The following MYO7B variants were observed in gnomAD, a reference collection of about 807,000 sequenced individuals.
MYO7B encodes unconventional myosin-VIIb.
In MYO7B, 212 loss-of-function variants were observed where a neutral mutation model predicts 259.7. The observed-to-expected ratio is 0.82, with a 90% CI of 0.73 to 0.91. MYO7B has a LOEUF of 0.91. MYO7B is among the 40% of genes least tolerant of loss of function. MYO7B has a pLI of 0.00. For synonymous variants in MYO7B, 1,197 were observed against 1,166.4 expected, an observed-to-expected ratio of 1.03 and a Z score of -0.54; for missense variants, 2,732 against 2,813.5, an observed-to-expected ratio of 0.97 and a Z score of 0.66.
Position 127,584,880 on chromosome 2 carries a change from C to A in MYO7B, c.1657C>A (p.His553Asn). 1 of 1,613,948 alleles carries A rather than the reference C, an allele frequency of 6.2e-7. No homozygotes were observed. The highest frequency in any genetic ancestry group is 8.5e-7 in the Non-Finnish European group (1 of 1,179,890). The part of the protein sequence containing the change: ...NIHDARFGIA[H>N]FAGEVYYQAE... ...CCACGATGCCAGATTTGGCATTGCC[C>A]ATTTTGCCGGCGAGGTGTACTACCA... is the stretch of plus-strand genomic sequence containing the variant. Residue 553 changes from histidine to asparagine, a missense_variant, in exon 14 of 48, where the codon CAT (histidine) becomes AAT (asparagine). Physicochemically the swap from His to Asn is moderately conservative, Grantham distance 68 (BLOSUM62 1). This residue lies in a region of MYO7B where 1,906 missense variants were observed against 2,026.4 expected (regional missense o/e 0.94). Transcript: ENST00000409816. This position sits in a 1 kb window ranked among gnomAD's most constrained non-coding sequence, Gnocchi z 5.8.
chr2:127,608,583 G>T (rs1449099332), intron 21 of MYO7B, 125 bp from the exon 22 acceptor site: 2 of 1,063,644 alleles, frequency 1.9e-6, no homozygotes, highest in Non-Finnish European at 2.7e-6. Context: ...ATATTGATTT[G>T]GACAAATGAT....
Position 127,571,442 on chromosome 2 carries a change from G to GTTTTTTT in MYO7B, c.592+1543_592+1549dup. ...AATTGGTCTATTTCCTTACCAGTGAGTTTTTTTTTTTTTTTTTGCTTGTTT... is the reference window on the plus strand; with the variant it reads ...AATTGGTCTATTTCCTTACCAGTGAGTTTTTTTTTTTTTTTTTTTTTTTTGCTTGTTT... On this transcript the variant is annotated intron_variant, in intron 6 of 47. Coordinates refer to ENST00000409816, the MANE Select transcript of MYO7B (RefSeq NM_001393586.1). Among the ~76,000 whole-genome samples the GTTTTTTT allele has an allele frequency of 2.6e-3, 111 of 41,920 alleles. 7 individuals are homozygous for GTTTTTTT. Among genetic ancestry groups the GTTTTTTT allele is most frequent in the South Asian group, 1.0e-2 (12 of 1,204 alleles). The allele number at this position is 41,920 out of a possible 152,430, so 27.5% of individuals were successfully genotyped here. A position where few individuals can be genotyped will look rare whatever the true frequency, so the allele number is the denominator to read the frequency against.
chr2:127,626,865 C>A, intron 31 of MYO7B, 110 bp from the exon 32 acceptor site: 1 of 1,026,092 alleles, frequency 9.7e-7, no homozygotes, highest in Non-Finnish European at 1.4e-6. Context: ...AGACACTGGC[C>A]TTGTAGAGCC....
intron 1 of MYO7B, among the ~76,000 whole-genome samples, chr2:127,547,532 G>A (rs1693283252): frequency 1.3e-5 from 2 of 152,174 alleles, no homozygotes; most frequent in Admixed American, 1.3e-4. Context: ...ATACAAGGTG[G>A]GCTGAAAAGG....
At position 127,588,476 on chromosome 2, in the gene MYO7B, T is replaced by C. The variant is rs1573658817; in HGVS notation, c.1775T>C (p.Ile592Thr). Residue 592 changes from isoleucine to threonine, a missense_variant, in exon 15 of 48, where the codon ATA becomes ACA. Ile to Thr is a moderately conservative substitution (Grantham distance 89). Transcript: ENST00000409816. Reference protein sequence around the residue: ...YSSKNKFLREIFNLELAETKL... With the variant: ...YSSKNKFLRETFNLELAETKL... ...TCCAAAAACAAGTTTCTGAGGGAGA[T>C]ATTCAACTTGGAGTTAGCAGAGACC... 6.2e-7 allele frequency: 1 copy of C among 1,613,294 alleles called. No individual in the cohort carries two copies. The highest frequency in any genetic ancestry group is 2.2e-5 in the East Asian group (1 of 44,886).
intron 24 of MYO7B, 99 bp from the exon 25 acceptor site, chr2:127,612,151 G>T (rs1385401463): frequency 8.3e-6 from 4 of 481,180 alleles, no homozygotes; most frequent in African/African-American, 7.8e-5. Flanking sequence ...GAAATGGCTG[G>T]GTGAAAGGGA....
rs1331659730 is a variant in MYO7B at position 127,628,594 on chromosome 2, G to A, written c.4624+59G>A. ...TGGGGTGGGGGAGGGCCGCGCATGG[G>A]GTCTGTAGGTAGGTGGCATGCTCAT... On this transcript the variant is annotated intron_variant, in intron 34 of 47. Coordinates refer to ENST00000409816, the MANE Select transcript of MYO7B (RefSeq NM_001393586.1). This position sits in a 1 kb window ranked among gnomAD's most constrained non-coding sequence, Gnocchi z 4.8. The A allele has an allele frequency of 2.9e-6, 4 of 1,396,676 alleles. No homozygotes were observed. Among genetic ancestry groups the A allele is most frequent in the Non-Finnish European group, 3.9e-6 (4 of 1,033,490 alleles). 86.5% of individuals were successfully genotyped at this position (1,396,676 alleles called of 1,614,324 possible).
chr2:127,624,784 G>A (rs1681024237), intron 30 of MYO7B, among the ~76,000 whole-genome samples: 1 of 152,216 alleles, frequency 6.6e-6, no homozygotes, highest in Admixed American at 6.5e-5. Flanking sequence ...TCTTTTGTAG[G>A]GGATTGTGAG....
Position 127,635,182 on chromosome 2 carries a change from C to T in MYO7B, c.5776C>T (p.Pro1926Ser). ...GCGGAAATTGTGGCTCAACATATCTCCAGGGAAGGATGTGAATGCAGACAC... is the reference window on the plus strand; with the variant it reads ...GCGGAAATTGTGGCTCAACATATCTTCAGGGAAGGATGTGAATGCAGACAC... Reference protein sequence around the residue: ...FMRKLWLNISPGKDVNADTIL... With the variant: ...FMRKLWLNISSGKDVNADTIL... Residue 1926 changes from proline to serine, a missense_variant, in exon 43 of 48, where the codon CCA becomes TCA. Coordinates refer to ENST00000409816, the MANE Select transcript of MYO7B (RefSeq NM_001393586.1). 1 of 1,613,656 alleles carries T rather than the reference C, an allele frequency of 6.2e-7. No homozygotes were observed. The highest frequency in any genetic ancestry group is 8.5e-7 in the Non-Finnish European group (1 of 1,179,766).
At position 127,636,844 on chromosome 2, in the gene MYO7B, C is replaced by T. The variant is rs375930200; in HGVS notation, c.6258C>T (p.Gly2086=). 1.2e-6 allele frequency: 2 copies of T among 1,613,550 alleles called. No individual in the cohort carries two copies. The highest frequency in any genetic ancestry group is 1.7e-6 in the Non-Finnish European group (2 of 1,179,824). The stretch of plus-strand genomic sequence containing the variant: ...CCAAGATCTCCAGCTGGAGCAGCGG[C>T]AGCACCTACTTCCACATGGCGCTGG... The part of the protein sequence containing the change: ...PFTKISSWSS[G]STYFHMALGS... Residue 2086 remains glycine, a synonymous_variant, in exon 47 of 48, where the codon GGC becomes GGT. Coordinates refer to ENST00000409816, the MANE Select transcript of MYO7B (RefSeq NM_001393586.1). This position sits in a 1 kb window ranked among gnomAD's most constrained non-coding sequence, Gnocchi z 4.5.
chr2:127,622,462 T>C (rs1573706784), intron 28 of MYO7B, among the ~76,000 whole-genome samples: 1 of 152,194 alleles, frequency 6.6e-6, no homozygotes, highest in African/African-American at 2.4e-5. Flanking sequence ...CTTGGTGGCA[T>C]TGCTATTGGG....
At chr2:127,623,952 G>A in intron 29 of MYO7B, 141 bp from the exon 30 acceptor site, 1 of 706,370 alleles carries the variant, frequency 1.4e-6, no homozygotes, top group African/African-American at 1.8e-5. Context: ...GTCCACACGG[G>A]CTCAGCAGTG....
chr2:127,539,281 G>A lies in MYO7B; in HGVS notation c.-24+3450G>A, dbSNP rs569629307. On this transcript the variant is annotated intron_variant, in intron 1 of 47. Transcript: ENST00000409816. The surrounding 1 kb of genome is among the most constrained non-coding windows in gnomAD (Gnocchi z 4.0). The stretch of plus-strand genomic sequence containing the variant: ...AATGAAGGTAGGAAAATACACTGCA[G>A]CTGGGAAAATGTTAGTAAACAAAAT... 6.6e-6 allele frequency among the ~76,000 whole-genome samples: 1 copy of A among 152,206 alleles called. No individual in the cohort carries two copies. Among genetic ancestry groups the A allele is most frequent in the African/African-American group, 2.4e-5 (1 of 41,448 alleles).
chr2:127,574,023 C>A lies in MYO7B; in HGVS notation c.696C>A (p.Ile232=), dbSNP rs773193883. The A allele has an allele frequency of 6.2e-7, 1 of 1,614,048 alleles. No individual in the cohort carries two copies. Among genetic ancestry groups the A allele is most frequent in the East Asian group, 2.2e-5 (1 of 44,872 alleles). The change falls in exon 7 of 48, where the codon ATC becomes ATA. Residue 232 remains isoleucine (I), a synonymous_variant. Transcript: ENST00000409816. ...GCGGGGTGATCGAGGGCGCGCGCAT[C>A]GAGCAATTTCTCCTGGAGAAGTCCC... ...NPSGVIEGAR[I]EQFLLEKSRV...
At position 127,559,675 on chromosome 2, in the gene MYO7B, C is replaced by A; in HGVS notation, c.-23-25C>A. On this transcript the variant is annotated intron_variant, in intron 1 of 47. Transcript: ENST00000409816. The surrounding 1 kb of genome is among the most constrained non-coding windows in gnomAD (Gnocchi z 4.1). ...CTATTGGGGCTGTGTATGGAGCTGA[C>A]GTTCTGCTTTCTCTCTCCATACAGG... is the stretch of plus-strand genomic sequence containing the variant. 6.2e-7 allele frequency: 1 copy of A among 1,612,606 alleles called. No individual in the cohort carries two copies. Among genetic ancestry groups the A allele is most frequent in the African/African-American group, 1.3e-5 (1 of 75,030 alleles).
rs1681842303 is a variant in MYO7B, at chr2:127,636,730, C to T, written c.6208-64C>T. 4.3e-6 allele frequency: 7 copies of T among 1,611,570 alleles called. No individual in the cohort carries two copies. The South Asian group carries it at 5.5e-5, about 13-fold the overall frequency. On this transcript the variant is annotated intron_variant, in intron 46 of 47. Transcript: ENST00000409816. The surrounding 1 kb of genome is among the most constrained non-coding windows in gnomAD (Gnocchi z 4.5). Reference sequence around the variant, plus strand: ...GCGGTGTGTCCTGCCTCTCTCCTGTCCCCTAACACACACAGAGCCCGTGCT... The same window carrying T: ...GCGGTGTGTCCTGCCTCTCTCCTGTTCCCTAACACACACAGAGCCCGTGCT...
rs887058394 is a variant in MYO7B, at chr2:127,613,323, T to G, written c.3398+720T>G. On this transcript the variant is annotated intron_variant, in intron 26 of 47. Transcript: ENST00000409816. The surrounding 1 kb of genome is among the most constrained non-coding windows in gnomAD (Gnocchi z 4.3). ...AGTTTCTATTGACCTGTCTTCAAAT[T>G]TACTGATCTTTTGTCTTCCCTAGTC... 6.6e-6 allele frequency among the ~76,000 whole-genome samples: 1 copy of G among 152,222 alleles called. No individual in the cohort carries two copies. Among genetic ancestry groups the G allele is most frequent in the Non-Finnish European group, 1.5e-5 (1 of 68,038 alleles).
intron 19 of MYO7B, among the ~76,000 whole-genome samples, chr2:127,598,772 T>C (rs1679856962): frequency 6.6e-6 from 1 of 152,114 alleles, no homozygotes; most frequent in African/African-American, 2.4e-5. Flanking sequence ...GACACTTAGG[T>C]CAAGGTTCTT....
rs1034530134 is a variant in MYO7B at position 127,637,481 on chromosome 2, A to C, written c.*64A>C. On this transcript the variant is annotated 3_prime_UTR_variant, in exon 48 of 48. Coordinates refer to ENST00000409816, the MANE Select transcript of MYO7B (RefSeq NM_001393586.1). ...ACCTCTAGCCTGGCGGCACCTTCCC[A>C]GGCCCTCTCAACCCAGGGCCTGTCC... 7 of 1,257,554 alleles carry C rather than the reference A, an allele frequency of 5.6e-6. No homozygotes were observed. The highest frequency in any genetic ancestry group is 5.6e-5 in the Admixed American group (2 of 35,416). 77.9% of individuals were successfully genotyped at this position (1,257,554 alleles called of 1,614,324 possible).
Sources: gnomAD v4.1 joint callset for allele counts (sites outside exome capture counted in the v4.1 genomes callset) on GRCh38, gnomAD v4.1.1 for gene constraint, gnomAD v4.1.1 regional missense constraint, Gnocchi (gnomAD v3.1) non-coding constraint, MANE v1.5 for transcripts, NCBI Gene and HGNC (gene_info 2026-07-23, HGNC 2026-07-21) for gene names.